The following ARMC2 variants were observed in gnomAD, a reference collection of about 807,000 sequenced individuals.
ARMC2 encodes the protein armadillo repeat-containing protein 2.
A neutral mutation model predicts 90.3 loss-of-function variants in ARMC2; 67 were observed. The observed-to-expected ratio is 0.74, with a 90% confidence interval of 0.61 to 0.91. The LOEUF is 0.91. Ranked by LOEUF, ARMC2 falls within the 40% of genes least tolerant of loss-of-function variation. The pLI, the probability that ARMC2 is intolerant of heterozygous loss-of-function variation, is 0.00. For missense variants in ARMC2, 920 were observed against 1,030.9 expected (o/e 0.89, Z 1.47); for synonymous variants, 393 against 393.0 (o/e 1.00, Z 0.00).
Position 108,912,351 on chromosome 6 carries a change from A to G in ARMC2, c.1143A>G (p.Val381=), listed in dbSNP as rs758853857. 2.5e-6 allele frequency: 4 copies of G among 1,605,970 alleles called. No homozygotes were observed. The highest frequency in any genetic ancestry group is 1.7e-5 in the Admixed American group (1 of 59,054). Residue 381 remains valine (V), a synonymous_variant, in exon 10 of 18, where the codon GTA becomes GTG. Coordinates refer to ENST00000392644, the MANE Select transcript of ARMC2 (RefSeq NM_032131.6). The part of the protein sequence containing the change: ...NDSILESLLE[V]LRSEDLQTNM... ...TTTTGACAGAATCATTATTGGAGGT[A>G]CTAAGAAGTGAAGACCTGCAAACTA...
At chr6:108,948,682 C>A (rs959498001) in intron 12 of ARMC2, among the ~76,000 whole-genome samples, 9 of 151,864 alleles carry the variant, frequency 5.9e-5, no homozygotes, top group Middle Eastern at 3.4e-3. Context: ...CCTAGAGCTT[C>A]TTCTTCTGCA....
intron 12 of ARMC2, among the ~76,000 whole-genome samples, chr6:108,939,671 T>C (rs2768554): frequency 0.58 from 87,602 of 152,046 alleles, 25,875 homozygotes; most frequent in East Asian, 0.88. Flanking sequence ...AAGTATTTAT[T>C]TGTAGCAATG....
intron 15 of ARMC2, among the ~76,000 whole-genome samples, chr6:108,963,583 C>T (rs971888036): frequency 9.9e-5 from 15 of 152,184 alleles, no homozygotes; most frequent in African/African-American, 2.7e-4. Context: ...CTTTGCTCAG[C>T]GTCTGCTGAG....
At chr6:108,923,951 C>T (rs890582660) in intron 10 of ARMC2, 1 of 152,268 alleles carries the variant, frequency 6.6e-6, no homozygotes, top group African/African-American at 2.4e-5. Context: ...TTCTCATTCA[C>T]TCTTCCAGCC....
At chr6:108,939,515 G>C (rs1033794511) in intron 12 of ARMC2, among the ~76,000 whole-genome samples, 1 of 152,116 alleles carries the variant, frequency 6.6e-6, no homozygotes, top group Non-Finnish European at 1.5e-5. Flanking sequence ...TGTAAGATGT[G>C]CCTGTTTCTC....
chr6:108,862,358 A>C (rs1201350376), intron 3 of ARMC2, among the ~76,000 whole-genome samples: 4 of 102,056 alleles, frequency 3.9e-5, no homozygotes, highest in Non-Finnish European at 7.7e-5. Context: ...AAAAAAAAAA[A>C]CAAAAAAAAC....
the ARMC2 span, among the ~76,000 whole-genome samples, chr6:109,007,883 G>A: frequency 7.3e-6 from 1 of 136,570 alleles, no homozygotes. Context: ...GGCCATATTT[G>A]TGCCCTATAC....
intron 11 of ARMC2, among the ~76,000 whole-genome samples, chr6:108,929,086 A>G (rs1047125590): frequency 1.3e-5 from 2 of 152,118 alleles, no homozygotes; most frequent in African/African-American, 2.4e-5. Context: ...CATGTTACCC[A>G]GGCAGTAAGC....
intron 5 of ARMC2, among the ~76,000 whole-genome samples, chr6:108,881,987 G>A (rs569167719): frequency 2.6e-5 from 4 of 152,142 alleles, no homozygotes; most frequent in Admixed American, 6.5e-5. Flanking sequence ...AGGAACCAAC[G>A]TGGGACTTGA....
chr6:108,965,381 T>C (rs2128515718), intron 17 of ARMC2, among the ~76,000 whole-genome samples: 1 of 151,568 alleles, frequency 6.6e-6, no homozygotes, highest in Non-Finnish European at 1.5e-5. Context: ...CTTTTTTTTT[T>C]TTTTTTTGCA....
At chr6:109,019,249 T>A in the ARMC2 span, among the ~76,000 whole-genome samples, 2 of 152,146 alleles carry the variant, frequency 1.3e-5, no homozygotes, top group East Asian at 3.8e-4. Flanking sequence ...ATCCTGGAAC[T>A]CACACTAGGT....
At chr6:109,018,792 C>T in the ARMC2 span, among the ~76,000 whole-genome samples, 3 of 152,094 alleles carry the variant, frequency 2.0e-5, no homozygotes, top group African/African-American at 7.2e-5. Context: ...AACCATTTAT[C>T]TAAGTCTATA....
chr6:108,954,516 G>A (rs530261115), intron 13 of ARMC2, among the ~76,000 whole-genome samples: 4 of 152,246 alleles, frequency 2.6e-5, no homozygotes, highest in Non-Finnish European at 4.4e-5. Context: ...CCAGCTACTC[G>A]GGAGGCTGAG....
At chr6:109,042,533 A>G in the ARMC2 span, among the ~76,000 whole-genome samples, 1 of 151,080 alleles carries the variant, frequency 6.6e-6, no homozygotes, top group Non-Finnish European at 1.5e-5. Context: ...ATTATTGCGA[A>G]AAAAAAAAAA....
At chr6:108,873,508 G>A (rs979381711) in intron 4 of ARMC2, among the ~76,000 whole-genome samples, 12 of 152,172 alleles carry the variant, frequency 7.9e-5, no homozygotes, top group African/African-American at 2.7e-4. Flanking sequence ...CACCCACCCT[G>A]CTGTTTCAAG....
chr6:108,925,490 T>C (rs1487705523), intron 10 of ARMC2, among the ~76,000 whole-genome samples: 1 of 152,292 alleles, frequency 6.6e-6, no homozygotes, highest in Non-Finnish European at 1.5e-5. Context: ...TAGTAAACCA[T>C]AATATTAAAT....
intron 11 of ARMC2, among the ~76,000 whole-genome samples, chr6:108,929,393 A>T (rs890846248): frequency 6.6e-6 from 1 of 152,110 alleles, no homozygotes; most frequent in Non-Finnish European, 1.5e-5. Flanking sequence ...GTTTCTGGGC[A>T]TTCTGTTTGG....
At chr6:108,978,434 A>T (rs142523064), downstream of ARMC2, among the ~76,000 whole-genome samples, 1,267 of 152,286 alleles carry the variant, frequency 8.3e-3, 21 homozygotes, top group African/African-American at 0.029. Context: ...CAATTTTAGC[A>T]TAAGTGCAAT....
At chr6:108,990,890 A>G in the ARMC2 span, 1 of 1,458,848 alleles carries the variant, frequency 6.9e-7, no homozygotes, top group East Asian at 2.3e-5. Context: ...ACAGTTCTAT[A>G]TCTATAGCTC....
Sources: gnomAD v4.1 joint callset for allele counts (sites outside exome capture counted in the v4.1 genomes callset) on GRCh38, gnomAD v4.1.1 for gene constraint, MANE v1.5 for transcripts, NCBI Gene and HGNC (gene_info 2026-07-23, HGNC 2026-07-21) for gene names.